CNTNAP5: variants seen among roughly 807,000 people sequenced by gnomAD.
CNTNAP5 encodes contactin associated protein family member 5, also known as contactin-associated protein-like 5.
In CNTNAP5, 72 loss-of-function variants were observed where a neutral mutation model predicts 150.2. The ratio of observed to expected loss-of-function variants is 0.48; its 90% CI spans 0.40 to 0.58. CNTNAP5 has a LOEUF of 0.58. CNTNAP5 is among the 20% of genes least tolerant of loss of function. CNTNAP5 has a pLI of 0.00. For synonymous variants in CNTNAP5, 672 were observed against 619.8 expected, an observed-to-expected ratio of 1.08 and a Z score of -1.25; for missense variants, 1,636 against 1,626.2, an observed-to-expected ratio of 1.01 and a Z score of -0.10.
chr2:124,186,712 A>G (rs970171584), intron 1 of CNTNAP5, among the ~76,000 whole-genome samples: 1 of 152,152 alleles, frequency 6.6e-6, no homozygotes, highest in African/African-American at 2.4e-5. Context: ...AGCCTCTTAC[A>G]TATTTGCTAT....
chr2:124,832,647 T>G (rs1390843418), intron 19 of CNTNAP5, among the ~76,000 whole-genome samples: 1 of 152,078 alleles, frequency 6.6e-6, no homozygotes, highest in Admixed American at 6.6e-5. Flanking sequence ...TCCAAGTGAG[T>G]TAAAGGATAA....
At chr2:124,383,061 T>A (rs1690839389) in intron 3 of CNTNAP5, among the ~76,000 whole-genome samples, 1 of 152,162 alleles carries the variant, frequency 6.6e-6, no homozygotes, top group Non-Finnish European at 1.5e-5. Flanking sequence ...ATATACACCT[T>A]CAGTTTCCTC....
In CNTNAP5 at chr2:124,417,466, T is replaced by G. The variant is rs760192883; in HGVS notation, c.405T>G (p.Ala135=). The G allele has an allele frequency of 6.2e-7, 1 of 1,613,990 alleles. No homozygotes were observed. Among genetic ancestry groups the G allele is most frequent in the South Asian group, 1.1e-5 (1 of 91,064 alleles). The change falls in exon 4 of 24, where the codon GCT becomes GCG. Residue 135 remains alanine, a synonymous_variant. Coordinates refer to ENST00000682447, the MANE Select transcript of CNTNAP5 (RefSeq NM_001367498.1). ...SIWTFAGNMN[A]DSVVHHKLLH... Reference sequence around the variant, plus strand: ...AGACCTTTGCAGGAAACATGAATGCTGACAGCGTGGTGCACCACAAGCTAT... The same window carrying G: ...AGACCTTTGCAGGAAACATGAATGCGGACAGCGTGGTGCACCACAAGCTAT...
At chr2:124,157,512 A>G (rs563945713) in intron 1 of CNTNAP5, among the ~76,000 whole-genome samples, 2 of 151,980 alleles carry the variant, frequency 1.3e-5, no homozygotes, top group Admixed American at 1.3e-4. Flanking sequence ...TGGTTCCTTT[A>G]CTGAAATTTC....
intron 3 of CNTNAP5, among the ~76,000 whole-genome samples, chr2:124,350,019 G>A (rs1689838656): frequency 6.6e-6 from 1 of 150,962 alleles, no homozygotes; most frequent in Admixed American, 6.6e-5. Flanking sequence ...CAAGTAGCTA[G>A]GATTACAGGC....
At chr2:124,216,344 C>T (rs1180785243) in intron 1 of CNTNAP5, among the ~76,000 whole-genome samples, 1 of 151,598 alleles carries the variant, frequency 6.6e-6, no homozygotes, top group Non-Finnish European at 1.5e-5. Context: ...TAAAAATAGA[C>T]TTTTATTGCA....
intron 8 of CNTNAP5, among the ~76,000 whole-genome samples, chr2:124,510,315 A>ATATATCTATATATATATATC (rs1694542595): frequency 9.6e-6 from 1 of 104,602 alleles, no homozygotes; most frequent in Non-Finnish European, 1.9e-5. Flanking sequence ...ATATATATCT[A>ATATATCTATATATATATATC]TATATCTATC....
intron 3 of CNTNAP5, among the ~76,000 whole-genome samples, chr2:124,391,783 G>C (rs992834902): frequency 1.3e-5 from 2 of 149,060 alleles, no homozygotes; most frequent in African/African-American, 2.5e-5. Context: ...GTGAGACCCC[G>C]TCTCTACTAA....
chr2:124,048,724 A>C (rs1171743246), intron 1 of CNTNAP5, among the ~76,000 whole-genome samples: 2 of 152,134 alleles, frequency 1.3e-5, no homozygotes, highest in Non-Finnish European at 2.9e-5. Flanking sequence ...ATTCACCTAG[A>C]TGGAAGTATT....
chr2:124,312,428 AACCT>A (rs1688852500), intron 3 of CNTNAP5, among the ~76,000 whole-genome samples: 2 of 152,004 alleles, frequency 1.3e-5, no homozygotes, highest in African/African-American at 4.8e-5. Context: ...GGCTCACTGC[AACCT>A]CCGCACCACT....
chr2:124,287,991 G>T (rs1005215978), intron 3 of CNTNAP5, among the ~76,000 whole-genome samples: 1 of 152,118 alleles, frequency 6.6e-6, no homozygotes, highest in Non-Finnish European at 1.5e-5. Flanking sequence ...GTGCAATAAC[G>T]CAACCTTGGC....
At chr2:124,460,253 C>T (rs1353146394) in intron 6 of CNTNAP5, among the ~76,000 whole-genome samples, 4 of 152,068 alleles carry the variant, frequency 2.6e-5, no homozygotes, top group Non-Finnish European at 4.4e-5. Context: ...GAGAGTAGGA[C>T]AAAAAGGAAG....
chr2:124,068,848 T>C (rs906213067), intron 1 of CNTNAP5, among the ~76,000 whole-genome samples: 2 of 151,878 alleles, frequency 1.3e-5, no homozygotes. Flanking sequence ...TTTCTAGATA[T>C]ACCGTAGGCC....
chr2:124,238,732 T>C (rs779994), intron 2 of CNTNAP5, among the ~76,000 whole-genome samples: 28,322 of 152,144 alleles, frequency 0.19, 2,966 homozygotes, highest in East Asian at 0.35. Flanking sequence ...TTTGTATGTA[T>C]GTTATACCCC....
At chr2:124,674,522 T>TCTTG (rs1558730674) in intron 13 of CNTNAP5, among the ~76,000 whole-genome samples, 2 of 134,998 alleles carry the variant, frequency 1.5e-5, no homozygotes, top group Admixed American at 1.5e-4. Flanking sequence ...TTTCTTTCTT[T>TCTTG]CTTTCTTTCT....
intron 11 of CNTNAP5, among the ~76,000 whole-genome samples, chr2:124,571,212 C>T (rs1320277606): frequency 6.6e-6 from 1 of 152,158 alleles, no homozygotes; most frequent in Non-Finnish European, 1.5e-5. Context: ...AAGTTTCCCA[C>T]TGTGCAGAAT....
intron 19 of CNTNAP5, among the ~76,000 whole-genome samples, chr2:124,849,646 A>ATG (rs1377290226): frequency 6.6e-6 from 1 of 152,208 alleles, no homozygotes; most frequent in African/African-American, 2.4e-5. Flanking sequence ...TTTAACAATA[A>ATG]TGATTCTTCT....
intron 4 of CNTNAP5, among the ~76,000 whole-genome samples, chr2:124,419,920 C>G (rs1214358202): frequency 8.0e-6 from 1 of 125,062 alleles, no homozygotes; most frequent in African/African-American, 3.2e-5. Flanking sequence ...TTCTTTCTTT[C>G]TTTCTTTCTT....
intron 1 of CNTNAP5, among the ~76,000 whole-genome samples, chr2:124,041,558 A>T (rs1681372849): frequency 6.6e-6 from 1 of 152,114 alleles, no homozygotes; most frequent in Admixed American, 6.5e-5. Context: ...TTCTTTTTTT[A>T]AAAAGGAATT....
Sources: allele counts gnomAD v4.1 joint callset (sites outside exome capture counted in the v4.1 genomes callset), GRCh38; gene constraint gnomAD v4.1.1; transcripts MANE v1.5; gene names NCBI Gene and HGNC (gene_info 2026-07-23, HGNC 2026-07-21).